VPS13D: variants seen among roughly 807,000 people sequenced by gnomAD.
VPS13D encodes vacuolar protein sorting 13 homolog D, also known as intermembrane lipid transfer protein VPS13D.
A neutral mutation model predicts 461.9 loss-of-function variants in VPS13D; 187 were observed. The ratio of observed to expected loss-of-function variants is 0.40; its 90% CI spans 0.36 to 0.46. The LOEUF (loss-of-function observed/expected upper bound fraction) is 0.46. VPS13D is among the 20% of genes least tolerant of loss of function. The probability of loss-of-function intolerance (pLI) is 0.60; values close to 1 mark genes in which losing one functional copy is unlikely to be tolerated. For missense variants in VPS13D, 4,711 were observed against 5,364.9 expected, an observed-to-expected ratio of 0.88 and a Z score of 3.81; for synonymous variants, 1,951 against 1,986.3, an observed-to-expected ratio of 0.98 and a Z score of 0.47.
Position 12,338,233 on chromosome 1 carries a change from C to G in VPS13D, c.8554C>G (p.Leu2852Val). 6.2e-7 allele frequency: 1 copy of G among 1,613,406 alleles called. No homozygotes were observed. Among genetic ancestry groups the G allele is most frequent in the Non-Finnish European group, 8.5e-7 (1 of 1,179,534 alleles). The change falls in exon 40 of 70, where the codon CTC becomes GTC. Residue 2852 changes from leucine (L) to valine (V), a missense_variant and splice_region_variant. This residue lies in a region of VPS13D where 4,411 missense variants were observed against 4,937.8 expected (regional missense o/e 0.89). Coordinates refer to ENST00000620676, the MANE Select transcript of VPS13D (RefSeq NM_015378.4). ...ACTTTGTCTCTCCTGTCTACCAGGC[C>G]TCCCCCTTGTCTACCTTAGAACTAG... ...SVDPPCFGQSLPLVYLRTRST... is the reference protein window; with the variant it reads ...SVDPPCFGQSVPLVYLRTRST...
intron 58 of VPS13D, among the ~76,000 whole-genome samples, chr1:12,384,570 A>G (rs1233199286): frequency 6.6e-6 from 1 of 152,212 alleles, no homozygotes; most frequent in South Asian, 2.1e-4. Context: ...GTTGGAATGT[A>G]GCAATGAGCT....
chr1:12,464,947 C>G (rs1266839280), intron 67 of VPS13D: 2 of 152,220 alleles, frequency 1.3e-5, no homozygotes, highest in Non-Finnish European at 2.9e-5. Context: ...GGCACAGATG[C>G]AGCCACACTT....
At chr1:12,362,987 G>A in intron 51 of VPS13D, 85 bp from the exon 52 acceptor site, 4 of 1,582,328 alleles carry the variant, frequency 2.5e-6, no homozygotes, top group Non-Finnish European at 3.4e-6. Context: ...TCCTGTTAGA[G>A]GGTAAGGCTC....
At chr1:12,390,877 T>G (rs1027370439) in intron 60 of VPS13D, among the ~76,000 whole-genome samples, 4 of 152,118 alleles carry the variant, frequency 2.6e-5, no homozygotes, top group Non-Finnish European at 4.4e-5. Flanking sequence ...CAGGAGTGGC[T>G]GGGGAAAGAG....
chr1:12,468,941 A>G (rs998210262), intron 67 of VPS13D, among the ~76,000 whole-genome samples: 3 of 151,964 alleles, frequency 2.0e-5, no homozygotes, highest in Non-Finnish European at 4.4e-5. Flanking sequence ...GGTTGAGGCA[A>G]GAAAATCGCT....
chr1:12,365,506 C>A (rs946371615), intron 52 of VPS13D, among the ~76,000 whole-genome samples: 2 of 152,052 alleles, frequency 1.3e-5, no homozygotes, highest in Non-Finnish European at 2.9e-5. Flanking sequence ...GAGTTCCAGA[C>A]CAGTCTGACC....
At chr1:12,437,467 A>G (rs192768613) in intron 65 of VPS13D, among the ~76,000 whole-genome samples, 4 of 152,302 alleles carry the variant, frequency 2.6e-5, no homozygotes, top group South Asian at 2.1e-4. Flanking sequence ...TTGGGAAACT[A>G]TCTGACCCCA....
At chr1:12,300,457 C>T (rs1642393961) in intron 25 of VPS13D, among the ~76,000 whole-genome samples, 1 of 152,152 alleles carries the variant, frequency 6.6e-6, no homozygotes, top group African/African-American at 2.4e-5. Flanking sequence ...ATCCACCCGC[C>T]TTGGCCTCCC....
chr1:12,245,921 C>T (rs569396748), intron 5 of VPS13D, among the ~76,000 whole-genome samples: 205 of 152,174 alleles, frequency 1.3e-3, no homozygotes, highest in Non-Finnish European at 2.0e-3. Flanking sequence ...TGTGTAGTAG[C>T]ATGTGTCAGC....
intron 54 of VPS13D, among the ~76,000 whole-genome samples, chr1:12,373,102 T>A (rs967709222): frequency 1.4e-5 from 2 of 138,032 alleles, no homozygotes; most frequent in African/African-American, 2.9e-5. Flanking sequence ...TTGGTTTTTT[T>A]TTTTTTTTTT....
chr1:12,471,026 G>C (rs978213926), intron 67 of VPS13D, among the ~76,000 whole-genome samples: 1 of 152,156 alleles, frequency 6.6e-6, no homozygotes, highest in Non-Finnish European at 1.5e-5. Context: ...TGGGGGCCAG[G>C]CATGGTGGCT....
chr1:12,389,069 C>T (rs919925508), intron 60 of VPS13D, among the ~76,000 whole-genome samples: 6 of 152,154 alleles, frequency 3.9e-5, no homozygotes, highest in South Asian at 2.1e-4. Flanking sequence ...AGAACCAGTC[C>T]GAGTCCCAAA....
intron 65 of VPS13D, among the ~76,000 whole-genome samples, chr1:12,420,988 C>A (rs1360742000): frequency 6.6e-6 from 1 of 152,100 alleles, no homozygotes; most frequent in East Asian, 1.9e-4. Flanking sequence ...TTTCTCATTT[C>A]TTTTTTCTCC....
intron 41 of VPS13D, among the ~76,000 whole-genome samples, chr1:12,342,519 G>A (rs752331644): frequency 1.2e-4 from 18 of 152,152 alleles, no homozygotes; most frequent in African/African-American, 4.1e-4. Flanking sequence ...ACATTTCTCC[G>A]ACCTCCCCCA....
intron 2 of VPS13D, among the ~76,000 whole-genome samples, chr1:12,237,083 G>A (rs1021473287): frequency 6.6e-6 from 1 of 150,894 alleles, no homozygotes; most frequent in Non-Finnish European, 1.5e-5. Flanking sequence ...ATCTGTGTAT[G>A]TATATATATA....
At chr1:12,346,407 C>T (rs1442334658) in intron 43 of VPS13D, among the ~76,000 whole-genome samples, 198 bp from the exon 44 acceptor site, 1 of 152,138 alleles carries the variant, frequency 6.6e-6, no homozygotes, top group Non-Finnish European at 1.5e-5. Context: ...AGAAATTTGG[C>T]ATACGTTGAA....
intron 67 of VPS13D, among the ~76,000 whole-genome samples, chr1:12,486,529 C>A (rs1314049335): frequency 6.6e-6 from 1 of 152,202 alleles, no homozygotes; most frequent in Non-Finnish European, 1.5e-5. Context: ...CCCCACTGTT[C>A]TTTTCCTTCC....
Position 12,318,040 on chromosome 1 carries a change from C to T in VPS13D, c.7149-32C>T, listed in dbSNP as rs1176530123. The T allele has an allele frequency of 1.7e-5, 26 of 1,570,048 alleles. No individual in the cohort carries two copies. In the Admixed American group the frequency reaches 2.0e-4, roughly 12 times the overall value. ...ATTGAAATAACCATGTTTCTTTTTT[C>T]CTATTTATTTTCTCCTGTCTTCTTT... On this transcript the variant is annotated intron_variant, in intron 30 of 69. Transcript: ENST00000620676.
chr1:12,232,080 C>T (rs183746154), intron 1 of VPS13D, among the ~76,000 whole-genome samples: 1 of 152,224 alleles, frequency 6.6e-6, no homozygotes, highest in Admixed American at 6.5e-5. Context: ...ATAACATCTT[C>T]TTTAAACAAA....
Sources: gnomAD v4.1 joint callset for allele counts (sites outside exome capture counted in the v4.1 genomes callset) on GRCh38, gnomAD v4.1.1 for gene constraint, gnomAD v4.1.1 regional missense constraint, MANE v1.5 for transcripts, NCBI Gene and HGNC (gene_info 2026-07-23, HGNC 2026-07-21) for gene names.